SDF2: variants seen among roughly 807,000 people sequenced by gnomAD.
The protein encoded by SDF2 is stromal cell derived factor 2.
Under a neutral mutation model 20.5 loss-of-function variants are expected in SDF2, and 12 were observed. That is an observed-to-expected ratio of 0.58 (90% CI 0.37 to 0.95). The LOEUF is 0.95. Ranked by LOEUF, SDF2 falls within the 40% of genes least tolerant of loss-of-function variation. The pLI, the probability that SDF2 is intolerant of heterozygous loss-of-function variation, is 0.01. For synonymous variants in SDF2, 100 were observed against 101.0 expected (o/e 0.99, Z 0.06); for missense variants, 238 against 263.1 (o/e 0.90, Z 0.66).
In SDF2 at chr17:28,648,963, T is replaced by C. The variant is rs898005683; in HGVS notation, c.*26A>G. ...AACAGATGTCTGTGAACATTGTGCG[T>C]TAACAGTGGCTCAGAGCCTCTAGAT... is the stretch of plus-strand genomic sequence containing the variant. On this transcript the variant is annotated 3_prime_UTR_variant, in exon 3 of 3. Coordinates refer to ENST00000247020, the MANE Select transcript of SDF2 (RefSeq NM_006923.4). 6 of 1,610,222 alleles carry C rather than the reference T, an allele frequency of 3.7e-6. No individual in the cohort carries two copies. The highest frequency in any genetic ancestry group is 5.1e-6 in the Non-Finnish European group (6 of 1,177,814).
chr17:28,649,385 G>C, intron 2 of SDF2, 109 bp from the exon 3 acceptor site: 1 of 1,047,360 alleles, frequency 9.5e-7, no homozygotes, highest in East Asian at 2.4e-5. Flanking sequence ...AAATCAGAGG[G>C]GCCAGGCTTA....
At chr17:28,653,651 A>C (rs1406973401) in intron 2 of SDF2, among the ~76,000 whole-genome samples, 1 of 152,174 alleles carries the variant, frequency 6.6e-6, no homozygotes, top group Non-Finnish European at 1.5e-5. Context: ...GTCTCTACTG[A>C]AAATACAAAA....
intron 2 of SDF2, among the ~76,000 whole-genome samples, chr17:28,654,933 G>A (rs1361143485): frequency 2.6e-5 from 4 of 152,170 alleles, no homozygotes; most frequent in Admixed American, 2.6e-4. Context: ...TCCAGCCTGG[G>A]TGACAGAGTG....
intron 2 of SDF2, among the ~76,000 whole-genome samples, chr17:28,651,769 T>A (rs1018457636): frequency 6.7e-6 from 1 of 149,872 alleles, no homozygotes; most frequent in East Asian, 2.0e-4. Context: ...AAATTACTGA[T>A]TATTTCAGAA....
chr17:28,649,042 A>G lies in SDF2; in HGVS notation c.583T>C (p.Phe195Leu). The G allele has an allele frequency of 6.2e-7, 1 of 1,614,264 alleles. No homozygotes were observed. ...TTCAACAACTCACTGGGCTTCATGA[A>G]GATGCCTTCCATGGCTTTCCAGTAG... ...NNYWKAMEGIFMKPSELLKAE... is the reference protein window; with the variant it reads ...NNYWKAMEGILMKPSELLKAE... The change falls in exon 3 of 3, where the codon TTC becomes CTC. Residue 195 changes from phenylalanine to leucine, a missense_variant. Physicochemically the swap from Phe to Leu is conservative, Grantham distance 22. Coordinates refer to ENST00000247020, the MANE Select transcript of SDF2 (RefSeq NM_006923.4).
intron 2 of SDF2, among the ~76,000 whole-genome samples, chr17:28,653,788 G>C (rs1232576244): frequency 6.6e-6 from 1 of 151,960 alleles, no homozygotes; most frequent in South Asian, 2.1e-4. Flanking sequence ...CTCCAGCCTG[G>C]GACAGAGCGA....
intron 1 of SDF2, among the ~76,000 whole-genome samples, chr17:28,658,558 G>A (rs556845856): frequency 1.3e-5 from 2 of 152,306 alleles, no homozygotes; most frequent in East Asian, 3.9e-4. Context: ...ACGTTTCAGA[G>A]AGCACGGGGT....
upstream of SDF2, chr17:28,661,960 AGAAG>A (rs2072056091): frequency 6.7e-7 from 1 of 1,496,032 alleles, no homozygotes; most frequent in Non-Finnish European, 9.1e-7. Flanking sequence ...AACCACGGAG[AGAAG>A]GAAGTGAAGA....
chr17:28,652,501 G>T (rs2151581577), intron 2 of SDF2, among the ~76,000 whole-genome samples: 1 of 152,168 alleles, frequency 6.6e-6, no homozygotes, highest in Admixed American at 6.5e-5. Flanking sequence ...GTAGATACGG[G>T]GTTTCACCAT....
intron 2 of SDF2, among the ~76,000 whole-genome samples, chr17:28,652,916 GAGC>G (rs1485253359): frequency 1.3e-5 from 2 of 152,076 alleles, no homozygotes; most frequent in Non-Finnish European, 2.9e-5. Context: ...GGAACAATTT[GAGC>G]AACAAAATAT....
intron 2 of SDF2, among the ~76,000 whole-genome samples, chr17:28,652,530 G>A (rs1262089206): frequency 2.6e-5 from 4 of 152,112 alleles, no homozygotes; most frequent in African/African-American, 7.2e-5. Context: ...GGCTGGTCTC[G>A]AACTCCTGAC....
At chr17:28,650,003 A>T (rs926835072) in intron 2 of SDF2, among the ~76,000 whole-genome samples, 2 of 151,544 alleles carry the variant, frequency 1.3e-5, no homozygotes, top group African/African-American at 4.8e-5. Flanking sequence ...CCCAGGCTGG[A>T]GTGCAATGGC....
At chr17:28,655,609 G>A (rs2071955003) in intron 1 of SDF2, 126 bp from the exon 2 acceptor site, 4 of 783,070 alleles carry the variant, frequency 5.1e-6, no homozygotes, top group Non-Finnish European at 8.5e-6. Flanking sequence ...AGGAAGACAC[G>A]CTGCTGGAGG....
At chr17:28,653,470 T>C (rs1293844355) in intron 2 of SDF2, among the ~76,000 whole-genome samples, 1 of 152,136 alleles carries the variant, frequency 6.6e-6, no homozygotes, top group Non-Finnish European at 1.5e-5. Flanking sequence ...TAATGAGACA[T>C]GGCAAGTATA....
chr17:28,649,466 C>T (rs545785854), intron 2 of SDF2, among the ~76,000 whole-genome samples, 190 bp from the exon 3 acceptor site: 2 of 152,248 alleles, frequency 1.3e-5, no homozygotes, highest in Admixed American at 1.3e-4. Context: ...TGAGACCAGC[C>T]TGGGCAACAT....
chr17:28,659,257 G>GCCA (rs1256865764), intron 1 of SDF2, among the ~76,000 whole-genome samples: 2 of 129,448 alleles, frequency 1.5e-5, no homozygotes, highest in African/African-American at 6.1e-5. Context: ...CGGGGCGGCT[G>GCCA]GGCAGAGGCG....
In SDF2 at chr17:28,659,195, T is replaced by C. The variant is rs866905887; in HGVS notation, c.151+2531A>G. On this transcript the variant is annotated intron_variant, in intron 1 of 2. Coordinates refer to ENST00000247020, the MANE Select transcript of SDF2 (RefSeq NM_006923.4). ...GGTGGCGGCCGGGCAGAGGCGCTCC[T>C]CACATCCCAGACGGGGTGGCGGCCA... is the stretch of plus-strand genomic sequence containing the variant. 9.3e-4 allele frequency among the ~76,000 whole-genome samples: 103 copies of C among 111,328 alleles called. 1 individual carries two copies. The highest frequency in any genetic ancestry group is 2.7e-3 in the African/African-American group (76 of 28,146). The allele number at this position is 111,328 out of a possible 152,430, so 73.0% of individuals were successfully genotyped here.
chr17:28,659,585 C>T (rs529903971), intron 1 of SDF2, among the ~76,000 whole-genome samples: 10 of 149,680 alleles, frequency 6.7e-5, no homozygotes, highest in African/African-American at 2.0e-4. Context: ...CGGGCAGAGG[C>T]GCTCCTCACT....
At chr17:28,661,909 A>C (rs1340620318), upstream of SDF2, 8 of 1,583,848 alleles carry the variant, frequency 5.1e-6, no homozygotes, top group Non-Finnish European at 6.9e-6. Context: ...AAATCTTCGA[A>C]GAAAACTCGG....
Sources: gnomAD v4.1 joint callset for allele counts (sites outside exome capture counted in the v4.1 genomes callset) on GRCh38, gnomAD v4.1.1 for gene constraint, MANE v1.5 for transcripts, NCBI Gene and HGNC (gene_info 2026-07-23, HGNC 2026-07-21) for gene names.